The following STAU2 variants were observed in gnomAD, a reference collection of about 807,000 sequenced individuals.
STAU2 encodes the protein staufen double-stranded RNA binding protein 2.
In STAU2, 20 loss-of-function variants were observed where a neutral mutation model predicts 65.9. That is an observed-to-expected ratio of 0.30 (90% CI 0.21 to 0.44). STAU2 has a LOEUF of 0.44. Among genes scored for constraint, STAU2 ranks in the 20% least tolerant of loss-of-function variants. The pLI is 1.00. For missense variants in STAU2, 558 were observed against 683.9 expected (o/e 0.82, Z 2.05); for synonymous variants, 232 against 233.9 (o/e 0.99, Z 0.07).
intron 13 of STAU2, among the ~76,000 whole-genome samples, chr8:73,455,326 T>C (rs1819003139): frequency 6.6e-6 from 1 of 152,160 alleles, no homozygotes; most frequent in South Asian, 2.1e-4. Flanking sequence ...TTTAGCAACT[T>C]GGTCTCTGGT....
Position 73,508,214 on chromosome 8 carries a change from T to C in STAU2, c.1530+43798A>G, listed in dbSNP as rs1047287567. On this transcript the variant is annotated intron_variant, in intron 13 of 14. Transcript: ENST00000524300. Reference sequence around the variant, plus strand: ...TTTTGGCCCCTCTCAGCTTATGACATGCCTTCCTCACTAAGCTTAATCATT... The same window carrying C: ...TTTTGGCCCCTCTCAGCTTATGACACGCCTTCCTCACTAAGCTTAATCATT... Among the ~76,000 whole-genome samples the C allele has an allele frequency of 2.8e-4, 43 of 152,240 alleles. 1 individual carries two copies. Among genetic ancestry groups the C allele is most frequent in the Admixed American group, 3.9e-4 (6 of 15,274 alleles).
At chr8:73,584,850 A>C (rs1390044445) in intron 11 of STAU2, among the ~76,000 whole-genome samples, 1 of 152,212 alleles carries the variant, frequency 6.6e-6, no homozygotes, top group Non-Finnish European at 1.5e-5. Context: ...GGATGAAAGA[A>C]ATTTAAAAGA....
intron 4 of STAU2, among the ~76,000 whole-genome samples, chr8:73,697,684 C>T (rs191074905): frequency 3.0e-3 from 454 of 152,190 alleles, no homozygotes; most frequent in Non-Finnish European, 3.7e-3. Flanking sequence ...AAGCTGGCAG[C>T]GGGGACAAAG....
chr8:73,458,934 G>A (rs1236805418), intron 13 of STAU2: 2 of 152,182 alleles, frequency 1.3e-5, no homozygotes, highest in Non-Finnish European at 2.9e-5. Context: ...CCAGGGAACA[G>A]GGCCACACTA....
intron 6 of STAU2, among the ~76,000 whole-genome samples, chr8:73,624,837 G>A (rs1489810543): frequency 1.3e-5 from 2 of 152,146 alleles, no homozygotes; most frequent in Non-Finnish European, 2.9e-5. Context: ...ATCTCTGTAC[G>A]CCAAAAGTCA....
At chr8:73,622,438 C>G (rs1454169131) in intron 6 of STAU2, among the ~76,000 whole-genome samples, 1 of 152,056 alleles carries the variant, frequency 6.6e-6, no homozygotes, top group Non-Finnish European at 1.5e-5. Flanking sequence ...TCTTTCATAT[C>G]TCTTTTTCAT....
At chr8:73,547,746 TG>T (rs1429608548) in intron 13 of STAU2, among the ~76,000 whole-genome samples, 1 of 152,216 alleles carries the variant, frequency 6.6e-6, no homozygotes, top group African/African-American at 2.4e-5. Context: ...TAATTTATTA[TG>T]GTTTTATACA....
rs185632751 is a variant in STAU2 at position 73,688,289 on chromosome 8, G to A, written c.274+365C>T. 5.8e-3 allele frequency among the ~76,000 whole-genome samples: 870 copies of A among 150,168 alleles called. 4 individuals carry two copies. The highest frequency in any genetic ancestry group is 9.6e-3 in the Non-Finnish European group (649 of 67,718). ...TCTCCCAGATTCAAGCAATTCTCCC[G>A]CCTCAGCCTCCTGGGTAGCTGGGAT... On this transcript the variant is annotated intron_variant, in intron 5 of 14. Coordinates refer to ENST00000524300, the MANE Select transcript of STAU2 (RefSeq NM_001164380.2).
intron 13 of STAU2, among the ~76,000 whole-genome samples, chr8:73,498,584 C>G (rs886843997): frequency 6.6e-6 from 1 of 151,548 alleles, no homozygotes; most frequent in African/African-American, 2.4e-5. Flanking sequence ...ATTTGTTCAT[C>G]AAGTATTTGT....
intron 13 of STAU2, among the ~76,000 whole-genome samples, chr8:73,435,012 C>G (rs945168933): frequency 3.3e-5 from 5 of 151,872 alleles, no homozygotes; most frequent in Non-Finnish European, 7.3e-5. Context: ...GAACCCCAAC[C>G]CAGGAGACCA....
chr8:73,436,758 T>C (rs1243800668), intron 13 of STAU2, among the ~76,000 whole-genome samples: 1 of 151,930 alleles, frequency 6.6e-6, no homozygotes, highest in African/African-American at 2.4e-5. Context: ...AGCTGATTTT[T>C]GTATTTTCAG....
intron 13 of STAU2, among the ~76,000 whole-genome samples, chr8:73,489,487 C>T (rs1169923003): frequency 2.0e-5 from 3 of 152,088 alleles, no homozygotes; most frequent in African/African-American, 7.2e-5. Context: ...TTAACTACTT[C>T]ATGATGAATG....
intron 13 of STAU2, among the ~76,000 whole-genome samples, chr8:73,514,291 C>A (rs187927698): frequency 6.6e-6 from 1 of 152,272 alleles, no homozygotes; most frequent in East Asian, 1.9e-4. Flanking sequence ...ATGATAGAAG[C>A]CTTCCTCCTC....
At chr8:73,729,318 G>A (rs566094746) in intron 3 of STAU2, among the ~76,000 whole-genome samples, 2 of 152,220 alleles carry the variant, frequency 1.3e-5, no homozygotes, top group Non-Finnish European at 2.9e-5. Flanking sequence ...CTAGTATTTT[G>A]TTGAAGATTT....
At chr8:73,541,115 A>C (rs556994785) in intron 13 of STAU2, among the ~76,000 whole-genome samples, 2 of 152,332 alleles carry the variant, frequency 1.3e-5, no homozygotes, top group East Asian at 3.9e-4. Flanking sequence ...CTACTTTTTG[A>C]ATAGAGTGCA....
At chr8:73,622,355 G>A (rs1486716565) in intron 6 of STAU2, among the ~76,000 whole-genome samples, 3 of 151,922 alleles carry the variant, frequency 2.0e-5, no homozygotes, top group Non-Finnish European at 2.9e-5. Flanking sequence ...CTCAATCTCC[G>A]ACCTTGTGAT....
At chr8:73,463,233 T>A (rs1367768711) in intron 13 of STAU2, among the ~76,000 whole-genome samples, 1 of 152,222 alleles carries the variant, frequency 6.6e-6, no homozygotes, top group African/African-American at 2.4e-5. Flanking sequence ...AAAATGGCCA[T>A]AGACCTTGTG....
intron 12 of STAU2, among the ~76,000 whole-genome samples, chr8:73,577,907 T>C (rs1197669147): frequency 2.0e-5 from 3 of 152,340 alleles, no homozygotes; most frequent in South Asian, 2.1e-4. Flanking sequence ...TTTTAAAAAA[T>C]TGACTTTTAT....
chr8:73,502,803 T>C (rs867169809), intron 13 of STAU2, among the ~76,000 whole-genome samples: 3 of 152,080 alleles, frequency 2.0e-5, no homozygotes, highest in Admixed American at 1.3e-4. Context: ...AATGATTAAT[T>C]TTTAGGGACA....
Sources: allele counts gnomAD v4.1 joint callset (sites outside exome capture counted in the v4.1 genomes callset), GRCh38; gene constraint gnomAD v4.1.1; transcripts MANE v1.5; gene names NCBI Gene and HGNC (gene_info 2026-07-23, HGNC 2026-07-21).